SCP2: variants seen among roughly 807,000 people sequenced by gnomAD.
The protein encoded by SCP2 is sterol carrier protein 2.
In SCP2, 48 loss-of-function variants were observed where a neutral mutation model predicts 71.4. The observed-to-expected ratio is 0.67, with a 90% confidence interval of 0.53 to 0.86. The LOEUF (loss-of-function observed/expected upper bound fraction) is 0.86, where lower values mean the gene tolerates loss of function less well. Among genes scored for constraint, SCP2 ranks in the 40% least tolerant of loss-of-function variants. SCP2 has a pLI of 0.00. For synonymous variants in SCP2, 220 were observed against 218.1 expected, an observed-to-expected ratio of 1.01 and a Z score of -0.08; for missense variants, 560 against 655.6, an observed-to-expected ratio of 0.85 and a Z score of 1.59.
chr1:52,993,328 C>T (rs773618874), intron 11 of SCP2: 48 of 1,614,056 alleles, frequency 3.0e-5, no homozygotes, highest in Non-Finnish European at 3.6e-5. Flanking sequence ...CTACATTCAT[C>T]CTAATCTTTG....
intron 3 of SCP2, among the ~76,000 whole-genome samples, chr1:52,950,323 T>C (rs1322930746): frequency 1.3e-5 from 2 of 152,162 alleles, no homozygotes; most frequent in African/African-American, 4.8e-5. Context: ...AGTTTCACCA[T>C]GTTAGCCAGG....
At chr1:52,942,682 A>G (rs1380017752) in intron 2 of SCP2, among the ~76,000 whole-genome samples, 1 of 151,166 alleles carries the variant, frequency 6.6e-6, no homozygotes, top group Admixed American at 6.7e-5. Flanking sequence ...CATTGCCAGA[A>G]AAATTTAACA....
At chr1:53,024,280 A>G (rs2150240599) in intron 12 of SCP2, among the ~76,000 whole-genome samples, 1 of 152,294 alleles carries the variant, frequency 6.6e-6, no homozygotes, top group South Asian at 2.1e-4. Context: ...AGAAAGTAGA[A>G]TGGTGGTTGC....
intron 1 of SCP2, among the ~76,000 whole-genome samples, chr1:52,930,486 C>T (rs1653046383): frequency 6.6e-6 from 1 of 151,944 alleles, no homozygotes; most frequent in Non-Finnish European, 1.5e-5. Flanking sequence ...ATTAGCTGGG[C>T]TTAGTGGCGC....
intron 1 of SCP2, among the ~76,000 whole-genome samples, chr1:52,933,909 C>T (rs1229480668): frequency 6.6e-6 from 1 of 152,206 alleles, no homozygotes; most frequent in Non-Finnish European, 1.5e-5. Context: ...GGCATCTTAG[C>T]ATGAATCAAA....
At chr1:53,036,509 C>A (rs569082556) in intron 13 of SCP2, among the ~76,000 whole-genome samples, 1 of 148,822 alleles carries the variant, frequency 6.7e-6, no homozygotes, top group Non-Finnish European at 1.5e-5. Flanking sequence ...ACAAACCTAG[C>A]CAAGTTATTA....
At chr1:53,020,171 G>A (rs566618919) in intron 12 of SCP2, among the ~76,000 whole-genome samples, 207 of 152,260 alleles carry the variant, frequency 1.4e-3, no homozygotes, top group Non-Finnish European at 2.6e-3. Flanking sequence ...ACAGACATGA[G>A]CCACCATGCC....
intron 11 of SCP2, among the ~76,000 whole-genome samples, chr1:53,000,167 A>G (rs1429231131): frequency 1.3e-5 from 2 of 150,880 alleles, no homozygotes; most frequent in Non-Finnish European, 2.9e-5. Flanking sequence ...TAATCCCAGC[A>G]CTTTGTGAGG....
At chr1:52,953,142 C>A (rs1433745013) in intron 4 of SCP2, among the ~76,000 whole-genome samples, 1 of 150,084 alleles carries the variant, frequency 6.7e-6, no homozygotes, top group Non-Finnish European at 1.5e-5. Context: ...TTTAGGGGCC[C>A]CCCTCTCTCC....
chr1:52,945,848 T>C (rs1460935118), intron 2 of SCP2, among the ~76,000 whole-genome samples: 1 of 152,050 alleles, frequency 6.6e-6, no homozygotes, highest in Non-Finnish European at 1.5e-5. Context: ...AGATGTTTGT[T>C]CTAATCTCTG....
At chr1:53,047,470 A>G (rs967740970) in intron 14 of SCP2, among the ~76,000 whole-genome samples, 2 of 152,182 alleles carry the variant, frequency 1.3e-5, no homozygotes, top group African/African-American at 2.4e-5. Flanking sequence ...ATGTTTATAT[A>G]GTTGAATTCT....
intron 8 of SCP2, among the ~76,000 whole-genome samples, chr1:52,977,421 G>C (rs976589329): frequency 6.6e-6 from 1 of 152,198 alleles, no homozygotes; most frequent in African/African-American, 2.4e-5. Flanking sequence ...ACAGTTTGCT[G>C]TAAGAAAAAG....
intron 12 of SCP2, among the ~76,000 whole-genome samples, chr1:53,020,156 G>A (rs1177687714): frequency 6.6e-6 from 1 of 152,050 alleles, no homozygotes; most frequent in Admixed American, 6.5e-5. Context: ...CAAAGTGCTG[G>A]GATTACAGAC....
chr1:52,943,828 C>A (rs1230042992), intron 2 of SCP2: 3 of 450,216 alleles, frequency 6.7e-6, no homozygotes, highest in Non-Finnish European at 1.3e-5. Flanking sequence ...GTTTCTTCAC[C>A]CCTGCAGTAG....
At chr1:52,993,850 A>C in intron 11 of SCP2, 1 of 1,490,190 alleles carries the variant, frequency 6.7e-7, no homozygotes, top group Non-Finnish European at 8.9e-7. Context: ...TTTATACAAC[A>C]TTAGTAATCA....
In SCP2 at chr1:52,927,382, C is replaced by A; in HGVS notation, c.-15C>A. 2.5e-6 allele frequency: 4 copies of A among 1,577,192 alleles called. No homozygotes were observed. Among genetic ancestry groups the A allele is most frequent in the Non-Finnish European group, 3.4e-6 (4 of 1,162,402 alleles). ...TCGTCCGCGGCGCCCGCCCCGGTCCCGCACTGGTGCAGCCATGTCCTCTTC... is the reference window on the plus strand; with the variant it reads ...TCGTCCGCGGCGCCCGCCCCGGTCCAGCACTGGTGCAGCCATGTCCTCTTC... On this transcript the variant is annotated 5_prime_UTR_variant, in exon 1 of 16. Transcript: ENST00000371514.
chr1:53,028,485 AT>A (rs58248370), intron 13 of SCP2, among the ~76,000 whole-genome samples: 20,839 of 152,100 alleles, frequency 0.14, 2,037 homozygotes, highest in East Asian at 0.32. Flanking sequence ...ATATATCAAA[AT>A]TCTTTGTAAA....
intron 10 of SCP2, among the ~76,000 whole-genome samples, chr1:52,984,726 G>A (rs142456205): frequency 0.016 from 2,366 of 151,078 alleles, 68 homozygotes; most frequent in African/African-American, 0.054. Flanking sequence ...TAGTAGAGAC[G>A]GGGTTTCACC....
intron 1 of SCP2, among the ~76,000 whole-genome samples, chr1:52,933,450 A>T (rs1269961251): frequency 6.6e-6 from 1 of 152,054 alleles, no homozygotes; most frequent in African/African-American, 2.4e-5. Flanking sequence ...AAGAAAAAAA[A>T]CCCCATCAGG....
Sources: allele counts gnomAD v4.1 joint callset (sites outside exome capture counted in the v4.1 genomes callset), GRCh38; gene constraint gnomAD v4.1.1; transcripts MANE v1.5; gene names NCBI Gene and HGNC (gene_info 2026-07-23, HGNC 2026-07-21).